Variants in KIAA1328 observed in about 807,000 individuals in gnomAD.
The protein encoded by KIAA1328 is protein hinderin.
A neutral mutation model predicts 68.1 loss-of-function variants in KIAA1328; 52 were observed. The ratio of observed to expected loss-of-function variants is 0.76; its 90% CI spans 0.61 to 0.96. The LOEUF (loss-of-function observed/expected upper bound fraction) is 0.96. Among genes scored for constraint, KIAA1328 ranks in the 40% least tolerant of loss-of-function variants. KIAA1328 has a pLI of 0.00. For synonymous variants in KIAA1328, 232 were observed against 239.4 expected (o/e 0.97, Z 0.28); for missense variants, 641 against 677.6 (o/e 0.95, Z 0.60).
chr18:37,116,594 G>A (rs1181487206), intron 7 of KIAA1328, among the ~76,000 whole-genome samples: 1 of 152,210 alleles, frequency 6.6e-6, no homozygotes, highest in Non-Finnish European at 1.5e-5. Context: ...TCAGGACATA[G>A]GCATGGGCAA....
intron 7 of KIAA1328, among the ~76,000 whole-genome samples, chr18:37,156,330 G>A (rs1223032576): frequency 3.3e-5 from 5 of 151,066 alleles, no homozygotes; most frequent in Non-Finnish European, 5.9e-5. Flanking sequence ...GGAGGCTGAG[G>A]CAGGAGAACC....
At chr18:37,119,721 T>C (rs890013837) in intron 7 of KIAA1328, among the ~76,000 whole-genome samples, 4 of 152,102 alleles carry the variant, frequency 2.6e-5, no homozygotes, top group African/African-American at 4.8e-5. Context: ...TGTGTTTGTG[T>C]GTGTGTGTGA....
At chr18:36,965,927 C>T (rs1222914845) in intron 6 of KIAA1328, among the ~76,000 whole-genome samples, 1 of 148,296 alleles carries the variant, frequency 6.7e-6, no homozygotes, top group African/African-American at 2.5e-5. Flanking sequence ...AAAAAAAAAA[C>T]CAAAAAACTA....
intron 6 of KIAA1328, among the ~76,000 whole-genome samples, chr18:36,965,470 C>T (rs1391380079): frequency 6.8e-6 from 1 of 146,180 alleles, no homozygotes; most frequent in African/African-American, 2.5e-5. Context: ...ATGATGAAAC[C>T]CTGTCTCTAC....
At chr18:37,028,687 A>T (rs1166162739) in intron 6 of KIAA1328, among the ~76,000 whole-genome samples, 1 of 151,936 alleles carries the variant, frequency 6.6e-6, no homozygotes, top group Non-Finnish European at 1.5e-5. Flanking sequence ...TTTTATTTTG[A>T]AGTGTGTTCC....
At chr18:37,159,538 T>C (rs1315784756) in intron 7 of KIAA1328, among the ~76,000 whole-genome samples, 1 of 152,204 alleles carries the variant, frequency 6.6e-6, no homozygotes, top group Non-Finnish European at 1.5e-5. Context: ...ATCATTAGAA[T>C]ATTTTTCCCT....
At chr18:36,936,974 G>A (rs543615308) in intron 5 of KIAA1328, among the ~76,000 whole-genome samples, 2 of 152,266 alleles carry the variant, frequency 1.3e-5, no homozygotes, top group African/African-American at 4.8e-5. Flanking sequence ...CAAGGCTACA[G>A]TAACCAAAAC....
chr18:36,836,245 C>A (rs554495012), intron 3 of KIAA1328, among the ~76,000 whole-genome samples: 1 of 152,270 alleles, frequency 6.6e-6, no homozygotes, highest in East Asian at 1.9e-4. Context: ...CCACTTCACA[C>A]TGGGGTGTGA....
At chr18:37,187,004 T>C (rs2059815510) in intron 9 of KIAA1328, among the ~76,000 whole-genome samples, 1 of 151,918 alleles carries the variant, frequency 6.6e-6, no homozygotes, top group East Asian at 1.9e-4. Context: ...CAAAACCCCA[T>C]CTCTACTAAA....
intron 4 of KIAA1328, among the ~76,000 whole-genome samples, chr18:36,878,843 A>G (rs1001982897): frequency 1.3e-5 from 2 of 152,044 alleles, no homozygotes; most frequent in African/African-American, 4.8e-5. Flanking sequence ...CGAAGTTCTC[A>G]TGCTGTGTTT....
At chr18:37,190,389 G>A (rs1034001749) in intron 9 of KIAA1328, among the ~76,000 whole-genome samples, 1 of 152,166 alleles carries the variant, frequency 6.6e-6, no homozygotes, top group Non-Finnish European at 1.5e-5. Context: ...TTCGAGGTGA[G>A]AAAAATATAT....
intron 6 of KIAA1328, among the ~76,000 whole-genome samples, chr18:37,060,254 A>G (rs2056095676): frequency 6.6e-6 from 1 of 152,154 alleles, no homozygotes; most frequent in East Asian, 1.9e-4. Context: ...TAGAGAAATA[A>G]TTTGTACAAA....
At chr18:36,961,552 AG>A (rs2051673817) in intron 6 of KIAA1328, among the ~76,000 whole-genome samples, 1 of 152,212 alleles carries the variant, frequency 6.6e-6, no homozygotes, top group Non-Finnish European at 1.5e-5. Context: ...AAAAATGTTA[AG>A]GGCAGCCAGA....
intron 7 of KIAA1328, among the ~76,000 whole-genome samples, chr18:37,070,506 TAA>T (rs1424421310): frequency 1.3e-5 from 2 of 152,186 alleles, no homozygotes; most frequent in African/African-American, 4.8e-5. Context: ...GCTTATGCAT[TAA>T]GTTTGCTATG....
At chr18:37,045,215 A>G (rs1229620855) in intron 6 of KIAA1328, among the ~76,000 whole-genome samples, 1 of 152,180 alleles carries the variant, frequency 6.6e-6, no homozygotes, top group Non-Finnish European at 1.5e-5. Context: ...TCCAACGTGT[A>G]GCCTTCTTCA....
intron 4 of KIAA1328, among the ~76,000 whole-genome samples, chr18:36,878,158 A>T (rs1601106471): frequency 6.6e-6 from 1 of 152,034 alleles, no homozygotes; most frequent in Admixed American, 6.5e-5. Context: ...GCAGTGGCTG[A>T]TACTGGTTTT....
chr18:36,931,296 G>A (rs2050300686), intron 5 of KIAA1328, among the ~76,000 whole-genome samples: 1 of 152,104 alleles, frequency 6.6e-6, no homozygotes, highest in South Asian at 2.1e-4. Flanking sequence ...GAGAGCTGGT[G>A]AGCGAGCATT....
At chr18:37,228,253 A>C (rs576556453), downstream of KIAA1328, among the ~76,000 whole-genome samples, 1 of 152,238 alleles carries the variant, frequency 6.6e-6, no homozygotes, top group African/African-American at 2.4e-5. Flanking sequence ...AAATGACAAC[A>C]AAAGACTTAG....
chr18:36,901,443 CT>C (rs1488693311), intron 5 of KIAA1328, among the ~76,000 whole-genome samples: 5 of 151,980 alleles, frequency 3.3e-5, no homozygotes, highest in African/African-American at 1.2e-4. Context: ...TTCTCCAACA[CT>C]TGTGGATGCT....
Sources: gnomAD v4.1 joint callset for allele counts (sites outside exome capture counted in the v4.1 genomes callset) on GRCh38, gnomAD v4.1.1 for gene constraint, MANE v1.5 for transcripts, NCBI Gene and HGNC (gene_info 2026-07-23, HGNC 2026-07-21) for gene names.